The following DLG2 variants were observed in gnomAD, a reference collection of about 807,000 sequenced individuals.
DLG2 encodes the protein discs large MAGUK scaffold protein 2, also known as disks large homolog 2.
DLG2 carries 45 observed loss-of-function variants against 132.5 expected under a neutral mutation model. The observed-to-expected ratio is 0.34, with a 90% CI of 0.27 to 0.44. The LOEUF (loss-of-function observed/expected upper bound fraction) is 0.44, where lower values mean the gene tolerates loss of function less well. DLG2 is among the 20% of genes least tolerant of loss of function. The pLI, the probability that DLG2 is intolerant of heterozygous loss-of-function variation, is 1.00. For missense variants in DLG2, 1,045 were observed against 1,196.9 expected (o/e 0.87, Z 1.87); for synonymous variants, 424 against 419.6 (o/e 1.01, Z -0.13).
chr11:83,620,533 C>A (rs1014911594), intron 19 of DLG2, among the ~76,000 whole-genome samples: 2 of 151,862 alleles, frequency 1.3e-5, no homozygotes, highest in African/African-American at 4.8e-5. Context: ...AGAAAGCATA[C>A]GTACACAAAG....
chr11:84,079,165 T>A lies in DLG2; in HGVS notation c.750-19681A>T, dbSNP rs1231042901. On this transcript the variant is annotated intron_variant, in intron 10 of 27. Coordinates refer to ENST00000376104, the MANE Select transcript of DLG2 (RefSeq NM_001142699.3). ...TAATCATTAAGATTTATAAAGTTTATCCCCAGTATATTTCAAAATATGTCT... is the reference window on the plus strand; with the variant it reads ...TAATCATTAAGATTTATAAAGTTTAACCCCAGTATATTTCAAAATATGTCT... Among the ~76,000 whole-genome samples, 3 of 152,206 alleles carry A rather than the reference T, an allele frequency of 2.0e-5. No individual in the cohort carries two copies. The East Asian group carries it at 5.8e-4, about 29-fold the overall frequency.
Position 84,054,902 on chromosome 11 carries a change from T to C in DLG2, c.919+4413A>G, listed in dbSNP as rs187406680. 2.0e-4 allele frequency among the ~76,000 whole-genome samples: 30 copies of C among 152,146 alleles called. No homozygotes were observed. The East Asian group carries it at 5.4e-3, about 27-fold the overall frequency. On this transcript the variant is annotated intron_variant, in intron 11 of 27. Transcript: ENST00000376104. ...AAACATTCTTGGCATTAATAATCTATAAAATCTATAAAATAGATTTATTAA... is the reference window on the plus strand; with the variant it reads ...AAACATTCTTGGCATTAATAATCTACAAAATCTATAAAATAGATTTATTAA...
At chr11:84,470,531 A>G (rs2099105805) in intron 7 of DLG2, among the ~76,000 whole-genome samples, 1 of 151,760 alleles carries the variant, frequency 6.6e-6, no homozygotes, top group Non-Finnish European at 1.5e-5. Flanking sequence ...GTCAGGGAAG[A>G]CTTCAATAAA....
chr11:85,611,446 G>C (rs1388616753), intron 2 of DLG2, among the ~76,000 whole-genome samples: 1 of 152,212 alleles, frequency 6.6e-6, no homozygotes, highest in African/African-American at 2.4e-5. Context: ...CAATCAGCAT[G>C]ACTGCCAAAC....
intron 4 of DLG2, among the ~76,000 whole-genome samples, chr11:85,157,805 G>A (rs2077698279): frequency 6.6e-6 from 1 of 152,154 alleles, no homozygotes; most frequent in African/African-American, 2.4e-5. Context: ...CAATGTTTGG[G>A]AGGTCTCTCA....
At chr11:84,497,040 A>G (rs546328706) in intron 7 of DLG2, among the ~76,000 whole-genome samples, 18 of 152,166 alleles carry the variant, frequency 1.2e-4, no homozygotes, top group Non-Finnish European at 1.9e-4. Context: ...CTGGTCTCGC[A>G]TAAGAACTTA....
intron 4 of DLG2, among the ~76,000 whole-genome samples, chr11:85,164,548 C>T (rs1020652857): frequency 6.6e-6 from 1 of 152,124 alleles, no homozygotes; most frequent in East Asian, 1.9e-4. Flanking sequence ...TTCTTCTATG[C>T]TTCTATTCTT....
At chr11:85,050,109 A>C (rs1227522899) in intron 6 of DLG2, among the ~76,000 whole-genome samples, 1 of 102,638 alleles carries the variant, frequency 9.7e-6, no homozygotes, top group African/African-American at 4.0e-5. Flanking sequence ...GAACTGACCC[A>C]CTGTGTCATC....
In DLG2 at chr11:83,838,370, C is replaced by T. The variant is rs538315447; in HGVS notation, c.1566-4600G>A. Among the ~76,000 whole-genome samples the T allele has an allele frequency of 6.2e-4, 95 of 152,110 alleles. No individual in the cohort carries two copies. In the South Asian group the frequency reaches 8.5e-3, roughly 14 times the overall value. On this transcript the variant is annotated intron_variant, in intron 16 of 27. Transcript: ENST00000376104. The stretch of plus-strand genomic sequence containing the variant: ...ATGAAATTATGAGTAAAATAAATAA[C>T]CTGATGAAGAAATCATTAGGGCAAA...
At chr11:83,774,751 T>C (rs968087149) in intron 18 of DLG2, among the ~76,000 whole-genome samples, 1 of 152,186 alleles carries the variant, frequency 6.6e-6, no homozygotes, top group Non-Finnish European at 1.5e-5. Context: ...GTTATTACAC[T>C]AGCTGTCATT....
intron 6 of DLG2, among the ~76,000 whole-genome samples, chr11:84,721,361 T>C (rs969896975): frequency 1.3e-5 from 2 of 152,138 alleles, no homozygotes; most frequent in African/African-American, 4.8e-5. Flanking sequence ...TTATTTGACA[T>C]AACATTTGTC....
intron 7 of DLG2, among the ~76,000 whole-genome samples, chr11:84,450,255 ATG>A (rs1007294255): frequency 6.6e-6 from 1 of 151,868 alleles, no homozygotes; most frequent in Non-Finnish European, 1.5e-5. Flanking sequence ...AAGAAATGTC[ATG>A]TGGTAGCTTA....
intron 6 of DLG2, among the ~76,000 whole-genome samples, chr11:84,816,083 C>T: frequency 6.6e-6 from 1 of 152,036 alleles, no homozygotes; most frequent in East Asian, 1.9e-4. Context: ...CTCAAAAGCT[C>T]TGCATCATAG....
Position 83,558,077 on chromosome 11 carries a change from G to A in DLG2, c.1941-16219C>T, listed in dbSNP as rs552548023. 3.0e-4 allele frequency among the ~76,000 whole-genome samples: 46 copies of A among 152,286 alleles called. 1 individual carries two copies. Among genetic ancestry groups the A allele is most frequent in the Admixed American group, 3.0e-3 (46 of 15,286 alleles). On this transcript the variant is annotated intron_variant, in intron 19 of 27. Transcript: ENST00000376104. ...AATTTGTTTGATAATCCACAGACATGTGGGTTTCTGTAATTTCTTGATAAA... is the reference window on the plus strand; with the variant it reads ...AATTTGTTTGATAATCCACAGACATATGGGTTTCTGTAATTTCTTGATAAA...
chr11:85,403,951 G>T (rs571975879), intron 3 of DLG2, among the ~76,000 whole-genome samples: 1 of 152,102 alleles, frequency 6.6e-6, no homozygotes, highest in South Asian at 2.1e-4. Context: ...TTAAAATAAG[G>T]GTTGTAATAG....
intron 18 of DLG2, among the ~76,000 whole-genome samples, chr11:83,665,263 C>T (rs1403672778): frequency 6.6e-6 from 1 of 152,124 alleles, no homozygotes; most frequent in East Asian, 1.9e-4. Context: ...AGAGTTAGTT[C>T]TAGGAGAGAA....
chr11:83,844,099 C>T (rs1338148996), intron 16 of DLG2, among the ~76,000 whole-genome samples: 1 of 151,870 alleles, frequency 6.6e-6, no homozygotes, highest in Non-Finnish European at 1.5e-5. Context: ...CTGTGTGAGC[C>T]CAGTGGTGGG....
At chr11:84,365,221 T>G (rs2098674668) in intron 7 of DLG2, among the ~76,000 whole-genome samples, 1 of 152,192 alleles carries the variant, frequency 6.6e-6, no homozygotes, top group African/African-American at 2.4e-5. Context: ...AGATTCAACT[T>G]CTTCCTGGTT....
At chr11:84,252,847 G>A (rs1055473387) in intron 7 of DLG2, among the ~76,000 whole-genome samples, 13 of 152,218 alleles carry the variant, frequency 8.5e-5, no homozygotes, top group African/African-American at 2.2e-4. Flanking sequence ...TCTTCTATAC[G>A]ACATGGTGGT....
Sources: allele counts gnomAD v4.1 joint callset (sites outside exome capture counted in the v4.1 genomes callset), GRCh38; gene constraint gnomAD v4.1.1; transcripts MANE v1.5; gene names NCBI Gene and HGNC (gene_info 2026-07-23, HGNC 2026-07-21).